LAMA2: variants seen among roughly 807,000 people sequenced by gnomAD.
The protein encoded by LAMA2 is laminin subunit alpha-2.
Under a neutral mutation model 364.8 loss-of-function variants are expected in LAMA2, and 269 were observed. The observed-to-expected ratio is 0.74, with a 90% CI of 0.67 to 0.82. The LOEUF (loss-of-function observed/expected upper bound fraction) is 0.82, where lower values mean the gene tolerates loss of function less well. LAMA2 is among the 40% of genes least tolerant of loss of function. LAMA2 has a pLI of 0.00. For missense variants in LAMA2, 3,807 were observed against 3,873.2 expected (o/e 0.98, Z 0.45); for synonymous variants, 1,379 against 1,370.6 (o/e 1.01, Z -0.14).
chr6:129,502,599 C>A, intron 58 of LAMA2, 60 bp from the exon 59 acceptor site: 1 of 1,025,580 alleles, frequency 9.8e-7, no homozygotes, highest in Non-Finnish European at 1.6e-6. Context: ...TAGACAGCAT[C>A]ATTACCTTTT....
chr6:129,420,207 C>A (rs377170260), intron 40 of LAMA2, among the ~76,000 whole-genome samples: 7 of 151,918 alleles, frequency 4.6e-5, no homozygotes, highest in Admixed American at 3.3e-4. Context: ...ACATCACATA[C>A]GTATTTTAAA....
chr6:129,080,140 A>C (rs1773943927), intron 3 of LAMA2, among the ~76,000 whole-genome samples: 1 of 152,228 alleles, frequency 6.6e-6, no homozygotes, highest in African/African-American at 2.4e-5. Flanking sequence ...AATATTTTAC[A>C]TAAATTATCT....
chr6:129,315,999 A>G, intron 26 of LAMA2, 39 bp from the exon 27 acceptor site: 1 of 1,613,908 alleles, frequency 6.2e-7, no homozygotes, highest in Non-Finnish European at 8.5e-7. Flanking sequence ...ATGGTTTTGC[A>G]TTCAGTTTTG....
chr6:129,201,487 A>AT (rs1046103225), intron 12 of LAMA2, among the ~76,000 whole-genome samples: 24 of 152,216 alleles, frequency 1.6e-4, no homozygotes, highest in Admixed American at 1.4e-3. Flanking sequence ...TCCTGAGCTG[A>AT]TACAGGGCTG....
intron 29 of LAMA2, among the ~76,000 whole-genome samples, chr6:129,328,986 G>A (rs1182023413): frequency 6.6e-6 from 1 of 152,104 alleles, no homozygotes; most frequent in Non-Finnish European, 1.5e-5. Flanking sequence ...TTAGAATTGA[G>A]GTAGCTCTTA....
chr6:129,279,925 C>T, intron 17 of LAMA2, 136 bp from the exon 18 acceptor site: 1 of 723,278 alleles, frequency 1.4e-6, no homozygotes, highest in Non-Finnish European at 2.5e-6. Flanking sequence ...ACCCTAATCT[C>T]TGTCTCTGGG....
chr6:129,212,983 T>C (rs1285165693), intron 12 of LAMA2, among the ~76,000 whole-genome samples: 1 of 152,226 alleles, frequency 6.6e-6, no homozygotes, highest in Non-Finnish European at 1.5e-5. Context: ...GACATTGCTT[T>C]GGAAGCACAT....
In LAMA2 at chr6:129,251,309, T is replaced by G. The variant is rs149503851; in HGVS notation, c.1885-775T>G. ...TGCAGTCTTTTTTGTTGTTTGTTTT[T>G]TCCCATGTAGTAAGTTCCTTTAAAA... On this transcript the variant is annotated intron_variant, in intron 13 of 64. Transcript: ENST00000421865. Among the ~76,000 whole-genome samples the G allele has an allele frequency of 3.5e-3, 529 of 152,158 alleles. 7 individuals carry two copies. Among genetic ancestry groups the G allele is most frequent in the African/African-American group, 0.012 (487 of 41,528 alleles).
At chr6:129,260,986 A>G (rs1787086262) in intron 15 of LAMA2, among the ~76,000 whole-genome samples, 164 bp downstream of exon 15, 1 of 152,148 alleles carries the variant, frequency 6.6e-6, no homozygotes, top group Non-Finnish European at 1.5e-5. Context: ...GTGGCTTTCA[A>G]TTAGAGTATT....
At chr6:129,247,674 G>A (rs905226383) in intron 12 of LAMA2, among the ~76,000 whole-genome samples, 2 of 152,088 alleles carry the variant, frequency 1.3e-5, no homozygotes, top group Admixed American at 1.3e-4. Context: ...AAACAGCTTC[G>A]CTCATGACAA....
chr6:129,142,164 T>G (rs562580502), intron 4 of LAMA2, among the ~76,000 whole-genome samples: 1 of 152,130 alleles, frequency 6.6e-6, no homozygotes, highest in Admixed American at 6.6e-5. Flanking sequence ...CAAAAAAGAT[T>G]ATAATAAAAA....
At chr6:129,242,127 G>T (rs138300513) in intron 12 of LAMA2, among the ~76,000 whole-genome samples, 1 of 152,266 alleles carries the variant, frequency 6.6e-6, no homozygotes, top group African/African-American at 2.4e-5. Context: ...AATGAGGATT[G>T]CCTACAAGGC....
rs907126803 is a variant in LAMA2, at chr6:129,305,861, T to C, written c.3174+4989T>C. On this transcript the variant is annotated intron_variant, in intron 22 of 64. Coordinates refer to ENST00000421865, the MANE Select transcript of LAMA2 (RefSeq NM_000426.4). ...TTGTCCTGCCTTCTTTTGCATTAAT[T>C]TGTATAACATCTTCTCTTGACTTTT... Among the ~76,000 whole-genome samples the C allele has an allele frequency of 3.3e-5, 5 of 152,294 alleles. No individual in the cohort carries two copies. The East Asian group carries it at 9.7e-4, about 29-fold the overall frequency.
chr6:129,219,262 C>G (rs994473032), intron 12 of LAMA2, among the ~76,000 whole-genome samples: 7 of 152,122 alleles, frequency 4.6e-5, no homozygotes, highest in Non-Finnish European at 1.0e-4. Flanking sequence ...AAATGCAAAT[C>G]AAAACCACAA....
At chr6:129,067,195 C>T (rs1181290740) in intron 3 of LAMA2, among the ~76,000 whole-genome samples, 1 of 152,166 alleles carries the variant, frequency 6.6e-6, no homozygotes, top group East Asian at 1.9e-4. Context: ...ACCAAACTAA[C>T]ACAGAAGAGA....
intron 9 of LAMA2, among the ~76,000 whole-genome samples, chr6:129,173,946 T>G (rs1424333808): frequency 6.6e-6 from 1 of 152,154 alleles, no homozygotes; most frequent in East Asian, 1.9e-4. Flanking sequence ...CTTTAAATAT[T>G]AAAAACAGTG....
chr6:129,147,943 T>C (rs532308001), intron 6 of LAMA2, among the ~76,000 whole-genome samples: 1 of 127,538 alleles, frequency 7.8e-6, no homozygotes, highest in South Asian at 2.3e-4. Flanking sequence ...TTTTAAAATT[T>C]TACTTTAAAT....
chr6:129,205,493 T>TATATATATATATATATATATATACACAC (rs1343472728), intron 12 of LAMA2, among the ~76,000 whole-genome samples: 3 of 104,272 alleles, frequency 2.9e-5, no homozygotes, highest in African/African-American at 1.1e-4. Flanking sequence ...TATATATATA[T>TATATATATATATATATATATATACACAC]ACACACACAC....
intron 1 of LAMA2, among the ~76,000 whole-genome samples, chr6:128,942,382 C>T (rs1160544245): frequency 1.3e-5 from 2 of 152,106 alleles, no homozygotes; most frequent in Non-Finnish European, 1.5e-5. Flanking sequence ...AAATTTTTCT[C>T]GTCTTCCCAT....
Sources: gnomAD v4.1 joint callset for allele counts (sites outside exome capture counted in the v4.1 genomes callset) on GRCh38, gnomAD v4.1.1 for gene constraint, MANE v1.5 for transcripts, NCBI Gene and HGNC (gene_info 2026-07-23, HGNC 2026-07-21) for gene names.